PPM1E: variants seen among roughly 807,000 people sequenced by gnomAD.
The protein encoded by PPM1E is protein phosphatase, Mg2+/Mn2+ dependent 1E.
In PPM1E, 20 loss-of-function variants were observed where a neutral mutation model predicts 65.9. The ratio of observed to expected loss-of-function variants is 0.30; its 90% CI spans 0.21 to 0.44. The LOEUF is 0.44. Ranked by LOEUF, PPM1E falls within the 20% of genes least tolerant of loss-of-function variation. PPM1E has a pLI of 1.00. For missense variants in PPM1E, 713 were observed against 953.1 expected, an observed-to-expected ratio of 0.75 and a Z score of 3.32; for synonymous variants, 352 against 374.9, an observed-to-expected ratio of 0.94 and a Z score of 0.70.
At chr17:58,828,448 T>G (rs951686591) in intron 1 of PPM1E, among the ~76,000 whole-genome samples, 2 of 152,106 alleles carry the variant, frequency 1.3e-5, no homozygotes, top group African/African-American at 4.8e-5. Flanking sequence ...AAGCAACTAT[T>G]TTTAATTCTT....
At chr17:58,840,636 G>GA (rs900880857) in intron 1 of PPM1E, among the ~76,000 whole-genome samples, 12 of 142,936 alleles carry the variant, frequency 8.4e-5, no homozygotes, top group East Asian at 2.0e-4. Context: ...AAGTGCTAAA[G>GA]AAAAAAAAAA....
At chr17:58,790,295 C>T (rs2050144790) in intron 1 of PPM1E, among the ~76,000 whole-genome samples, 1 of 152,026 alleles carries the variant, frequency 6.6e-6, no homozygotes, top group South Asian at 2.1e-4. Flanking sequence ...AACTTCTGGC[C>T]TCAAGCAATC....
intron 1 of PPM1E, among the ~76,000 whole-genome samples, chr17:58,798,437 C>G (rs1692977515): frequency 6.6e-6 from 1 of 150,926 alleles, no homozygotes; most frequent in Non-Finnish European, 1.5e-5. Context: ...GTTGGTCAGA[C>G]TGGTCTCGAA....
intron 1 of PPM1E, among the ~76,000 whole-genome samples, chr17:58,927,368 G>C (rs867299020): frequency 6.6e-6 from 1 of 151,884 alleles, no homozygotes; most frequent in Non-Finnish European, 1.5e-5. Context: ...CCTGCCTCAT[G>C]ATCTGCCCGC....
At chr17:58,800,564 G>A (rs2050249785) in intron 1 of PPM1E, among the ~76,000 whole-genome samples, 1 of 152,028 alleles carries the variant, frequency 6.6e-6, no homozygotes, top group African/African-American at 2.4e-5. Flanking sequence ...TTTCTTTGTG[G>A]GGAGGTTTTT....
In PPM1E at chr17:58,946,877, A is replaced by C. The variant is rs569290560; in HGVS notation, c.465-8772A>C. ...TTTCTGCTTGTGCTTTTGGTGTCAG[A>C]GCTAAGAAAACCATTGCCTAATCCA... On this transcript the variant is annotated intron_variant, in intron 1 of 6. Transcript: ENST00000308249. Among the ~76,000 whole-genome samples the C allele has an allele frequency of 7.2e-5, 11 of 152,032 alleles. No homozygotes were observed. The South Asian group carries it at 2.3e-3, about 31-fold the overall frequency.
chr17:58,756,818 C>T (rs1598551053), intron 1 of PPM1E, among the ~76,000 whole-genome samples: 1 of 152,236 alleles, frequency 6.6e-6, no homozygotes, highest in Non-Finnish European at 1.5e-5. Flanking sequence ...TGGAAAGGTC[C>T]TTCCTCCCAG....
chr17:58,983,208 A>G lies in PPM1E; in HGVS notation c.*2177A>G, dbSNP rs1209871063. 1 of 310,414 alleles carries G rather than the reference A, an allele frequency of 3.2e-6. No individual in the cohort carries two copies. Among genetic ancestry groups the G allele is most frequent in the Non-Finnish European group, 5.9e-6 (1 of 168,170 alleles). The allele number at this position is 310,414 out of a possible 1,614,324, so 19.2% of individuals were successfully genotyped here. On this transcript the variant is annotated 3_prime_UTR_variant, in exon 7 of 7. Coordinates refer to ENST00000308249, the MANE Select transcript of PPM1E (RefSeq NM_014906.5). ...GTGTTAACTCATTTCTCATGCCATTAGCTCTCTACAAAATAAAGCAAAGTA... is the reference window on the plus strand; with the variant it reads ...GTGTTAACTCATTTCTCATGCCATTGGCTCTCTACAAAATAAAGCAAAGTA...
intron 1 of PPM1E, among the ~76,000 whole-genome samples, chr17:58,853,630 C>T (rs1444146348): frequency 6.6e-6 from 1 of 152,234 alleles, no homozygotes; most frequent in East Asian, 1.9e-4. Flanking sequence ...AGGTTTAAGA[C>T]CAGCCTGGCC....
intron 1 of PPM1E, among the ~76,000 whole-genome samples, chr17:58,829,714 T>C (rs966549921): frequency 7.9e-5 from 12 of 152,326 alleles, no homozygotes; most frequent in Middle Eastern, 3.4e-3. Context: ...GGACATCCTT[T>C]ACTAGTCTTT....
chr17:58,764,027 G>A (rs1192681660), intron 1 of PPM1E, among the ~76,000 whole-genome samples: 1 of 151,486 alleles, frequency 6.6e-6, no homozygotes, highest in Non-Finnish European at 1.5e-5. Context: ...AAAAGAAACA[G>A]GTGAATTTAG....
chr17:58,816,767 TATATATATATATATATA>T (rs1567842108), intron 1 of PPM1E, among the ~76,000 whole-genome samples: 5 of 14,852 alleles, frequency 3.4e-4, no homozygotes, highest in African/African-American at 1.2e-3. Flanking sequence ...TATATATATA[TATATATATATATATATA>T]TATATATATA....
intron 1 of PPM1E, among the ~76,000 whole-genome samples, chr17:58,816,784 ATATATATATATTTTTTTT>A (rs2050427400): frequency 1.2e-4 from 1 of 8,114 alleles, no homozygotes; most frequent in East Asian, 2.4e-3. Context: ...ATATATATAT[ATATATATATATTTTTTTT>A]TTTTTTTTTT....
chr17:58,840,918 G>A (rs2050711499), intron 1 of PPM1E, among the ~76,000 whole-genome samples: 1 of 152,192 alleles, frequency 6.6e-6, no homozygotes, highest in African/African-American at 2.4e-5. Flanking sequence ...GCATTGGGCA[G>A]CACAGCAGAG....
chr17:58,926,543 G>GCATAGTCAAACT (rs2143552230), intron 1 of PPM1E, among the ~76,000 whole-genome samples: 1 of 152,116 alleles, frequency 6.6e-6, no homozygotes, highest in African/African-American at 2.4e-5. Context: ...ATGTAAAGAA[G>GCATAGTCAAACT]CATAGTCAAA....
At chr17:58,910,070 T>C (rs2051608822) in intron 1 of PPM1E, among the ~76,000 whole-genome samples, 1 of 151,728 alleles carries the variant, frequency 6.6e-6, no homozygotes, top group South Asian at 2.1e-4. Context: ...ACCCAGATAA[T>C]TTTTGTATTT....
intron 1 of PPM1E, among the ~76,000 whole-genome samples, chr17:58,916,224 G>T (rs868585128): frequency 6.6e-6 from 1 of 152,180 alleles, no homozygotes; most frequent in Non-Finnish European, 1.5e-5. Context: ...GCTATTAGCT[G>T]CTCCTTACAG....
chr17:58,766,007 A>G lies in PPM1E; in HGVS notation c.464+9546A>G, dbSNP rs562752179. ...GCGATTCTCCTGCCTTAGCCTCCCA[A>G]GTAGCTGGGATTATAGGTGTGCACT... is the stretch of plus-strand genomic sequence containing the variant. On this transcript the variant is annotated intron_variant, in intron 1 of 6. Transcript: ENST00000308249. 1.8e-3 allele frequency among the ~76,000 whole-genome samples: 266 copies of G among 147,914 alleles called. 1 individual carries two copies. The highest frequency in any genetic ancestry group is 6.3e-3 in the African/African-American group (251 of 40,100).
At chr17:58,781,329 C>T (rs149344171) in intron 1 of PPM1E, among the ~76,000 whole-genome samples, 40 of 151,728 alleles carry the variant, frequency 2.6e-4, no homozygotes, top group Non-Finnish European at 4.4e-4. Flanking sequence ...CTAGTAGAGA[C>T]GGGGTTTTGC....
Sources: allele counts gnomAD v4.1 joint callset (sites outside exome capture counted in the v4.1 genomes callset), GRCh38; gene constraint gnomAD v4.1.1; transcripts MANE v1.5; gene names NCBI Gene and HGNC (gene_info 2026-07-23, HGNC 2026-07-21).